The following ABI2 variants were observed in gnomAD, a reference collection of about 807,000 sequenced individuals.
The protein encoded by ABI2 is abelson interactor 2.
Under a neutral mutation model 59.2 loss-of-function variants are expected in ABI2, and 25 were observed. The ratio of observed to expected loss-of-function variants is 0.42; its 90% CI spans 0.31 to 0.59. The LOEUF (loss-of-function observed/expected upper bound fraction) is 0.59, where lower values mean the gene tolerates loss of function less well. Among genes scored for constraint, ABI2 ranks in the 20% least tolerant of loss-of-function variants. ABI2 has a pLI of 0.14. For missense variants in ABI2, 545 were observed against 681.8 expected (o/e 0.80, Z 2.23); for synonymous variants, 213 against 235.5 (o/e 0.90, Z 0.87).
intron 11 of ABI2, among the ~76,000 whole-genome samples, chr2:203,422,643 A>G (rs915270933): frequency 3.3e-5 from 5 of 152,218 alleles, no homozygotes; most frequent in Admixed American, 6.5e-5. Context: ...ATTGCCAAAC[A>G]CTACAGGAAC....
intron 8 of ABI2, among the ~76,000 whole-genome samples, chr2:203,399,974 A>G (rs962666361): frequency 6.6e-6 from 1 of 151,512 alleles, no homozygotes; most frequent in Non-Finnish European, 1.5e-5. Flanking sequence ...GTTTTCTTCT[A>G]GAAGTTTTTA....
At chr2:203,363,365 C>G (rs1000433395) in intron 1 of ABI2, among the ~76,000 whole-genome samples, 1 of 152,116 alleles carries the variant, frequency 6.6e-6, no homozygotes, top group Non-Finnish European at 1.5e-5. Flanking sequence ...TGAAATCACC[C>G]TGTTGTGCTA....
At chr2:203,412,868 G>T (rs2097734405) in intron 10 of ABI2, among the ~76,000 whole-genome samples, 1 of 152,148 alleles carries the variant, frequency 6.6e-6, no homozygotes. Flanking sequence ...AAGTAGAAAA[G>T]GATTTAATTA....
At chr2:203,404,546 C>T (rs115711798) in intron 9 of ABI2, among the ~76,000 whole-genome samples, 5,610 of 152,176 alleles carry the variant, frequency 0.037, 338 homozygotes, top group African/African-American at 0.13. Context: ...CCTGCCACCA[C>T]GCCTGGCTAA....
Position 203,396,873 on chromosome 2 carries a change from C to T in ABI2, c.939C>T (p.Ser313=). 2 of 1,534,964 alleles carry T rather than the reference C, an allele frequency of 1.3e-6. No individual in the cohort carries two copies. Among genetic ancestry groups the T allele is most frequent in the Non-Finnish European group, 1.7e-6 (2 of 1,146,512 alleles). Reference sequence around the variant, plus strand: ...TTGTTCCTGCTACTGTCCCTTCCTCCACTGCCCCAGACGCTGCTGCTGGGG... The same window carrying T: ...TTGTTCCTGCTACTGTCCCTTCCTCTACTGCCCCAGACGCTGCTGCTGGGG... ...APLVPATVPS[S]TAPDAAAGGA... The change falls in exon 8 of 12, where the codon TCC becomes TCT. Residue 313 remains serine, a synonymous_variant. Coordinates refer to ENST00000261018, the MANE Select transcript of ABI2 (RefSeq NM_001375670.1).
chr2:203,395,635 T>C, intron 6 of ABI2, 21 bp from the exon 7 acceptor site: 2 of 1,600,260 alleles, frequency 1.2e-6, no homozygotes, highest in Non-Finnish European at 1.7e-6. Flanking sequence ...ACTCATGTTT[T>C]GGTGGCTCTT....
intron 1 of ABI2, among the ~76,000 whole-genome samples, chr2:203,339,811 T>TGCA (rs2078814955): frequency 6.6e-6 from 1 of 152,178 alleles, no homozygotes; most frequent in Non-Finnish European, 1.5e-5. Flanking sequence ...GTGTACTGCA[T>TGCA]GCACAGTTCT....
chr2:203,409,796 A>C (rs1403062389), intron 9 of ABI2, among the ~76,000 whole-genome samples: 2 of 152,110 alleles, frequency 1.3e-5, no homozygotes, highest in Admixed American at 1.3e-4. Context: ...TTTTCATATC[A>C]CATTTATGGA....
intron 2 of ABI2, among the ~76,000 whole-genome samples, chr2:203,377,687 C>T (rs906748294): frequency 7.2e-5 from 11 of 152,196 alleles, no homozygotes; most frequent in African/African-American, 2.4e-4. Context: ...GGGTGGATCA[C>T]TTGAGCTTAG....
At chr2:203,377,519 A>T (rs1352680959) in intron 2 of ABI2, among the ~76,000 whole-genome samples, 2 of 152,208 alleles carry the variant, frequency 1.3e-5, no homozygotes, top group Non-Finnish European at 2.9e-5. Context: ...CCCATTTTAT[A>T]AAAAAAGTGT....
chr2:203,400,174 G>A (rs1355378948), intron 8 of ABI2, among the ~76,000 whole-genome samples: 1 of 134,054 alleles, frequency 7.5e-6, no homozygotes, highest in African/African-American at 2.9e-5. Flanking sequence ...TGCAATCTCC[G>A]CTGCCTGGAT....
chr2:203,385,129 G>A (rs994751036), intron 4 of ABI2, among the ~76,000 whole-genome samples: 7 of 79,274 alleles, frequency 8.8e-5, no homozygotes, highest in African/African-American at 8.1e-5. Flanking sequence ...CACCGCACCC[G>A]GCTCAGATTC....
rs770932826 is a variant in ABI2 at position 203,396,908 on chromosome 2, C to A, written c.974C>A (p.Thr325Asn). The change falls in exon 8 of 12, where the codon ACC becomes AAC. Residue 325 changes from threonine to asparagine, a missense_variant. Coordinates refer to ENST00000261018, the MANE Select transcript of ABI2 (RefSeq NM_001375670.1). ...APDAAAGGAQ[T>N]LADGFTSPTP... The stretch of plus-strand genomic sequence containing the variant: ...GACGCTGCTGCTGGGGGTGCCCAGA[C>A]CCTTGCTGATGGCTTCACTTCTCCA... 4 of 1,529,402 alleles carry A rather than the reference C, an allele frequency of 2.6e-6. No individual in the cohort carries two copies. The highest frequency in any genetic ancestry group is 1.7e-4 in the Middle Eastern group (1 of 5,996). The allele number at this position is 1,529,402 out of a possible 1,614,324, so 94.7% of individuals were successfully genotyped here.
chr2:203,331,024 AAT>A (rs2072945714), intron 1 of ABI2, among the ~76,000 whole-genome samples: 1 of 152,216 alleles, frequency 6.6e-6, no homozygotes, highest in Non-Finnish European at 1.5e-5. Flanking sequence ...AATATTGATT[AAT>A]ATTAATTTAA....
intron 5 of ABI2, among the ~76,000 whole-genome samples, chr2:203,392,438 AAG>A (rs1294799100): frequency 6.6e-6 from 1 of 152,200 alleles, no homozygotes; most frequent in African/African-American, 2.4e-5. Flanking sequence ...ATAGTGCTGG[AAG>A]AGAGATAATA....
chr2:203,363,207 C>T (rs1051331148), intron 1 of ABI2, among the ~76,000 whole-genome samples: 1 of 152,014 alleles, frequency 6.6e-6, no homozygotes, highest in East Asian at 1.9e-4. Context: ...TATGGGTTAC[C>T]TGAGATATTT....
In ABI2 at chr2:203,329,885, C is replaced by T. The variant is rs1164351407; in HGVS notation, c.117+1254C>T. Among the ~76,000 whole-genome samples the T allele has an allele frequency of 3.3e-5, 5 of 151,858 alleles. No homozygotes were observed. The South Asian group carries it at 1.0e-3, about 32-fold the overall frequency. ...CCGAGTAGCTGGGACTACAGGCGCC[C>T]GCCACCACAGCCGGCTAATTTTTGT... On this transcript the variant is annotated intron_variant, in intron 1 of 11. Coordinates refer to ENST00000261018, the MANE Select transcript of ABI2 (RefSeq NM_001375670.1).
Position 203,330,384 on chromosome 2 carries a change from CT to C in ABI2, c.117+1754del, listed in dbSNP as rs1392922990. ...TCAGGCCTGGGCGATAAGAGTGAGA[CT>C]ACATATCAAAAAAAAAAAAAAAAAA... On this transcript the variant is annotated intron_variant, in intron 1 of 11. Transcript: ENST00000261018. Among the ~76,000 whole-genome samples the C allele has an allele frequency of 3.2e-5, 3 of 94,178 alleles. No homozygotes were observed. The Admixed American group carries it at 4.0e-4, about 13-fold the overall frequency. The allele number at this position is 94,178 out of a possible 152,430, so 61.8% of individuals were successfully genotyped here. A position where few individuals can be genotyped will look rare whatever the true frequency, so the allele number is the denominator to read the frequency against.
At chr2:203,372,244 GC>G (rs1559250145) in intron 2 of ABI2, among the ~76,000 whole-genome samples, 1 of 152,138 alleles carries the variant, frequency 6.6e-6, no homozygotes, top group Non-Finnish European at 1.5e-5. Context: ...CAGGGTTGGG[GC>G]TAAGGTCACC....
Sources: gnomAD v4.1 joint callset for allele counts (sites outside exome capture counted in the v4.1 genomes callset) on GRCh38, gnomAD v4.1.1 for gene constraint, MANE v1.5 for transcripts, NCBI Gene and HGNC (gene_info 2026-07-23, HGNC 2026-07-21) for gene names.